Variants in PIGQ observed in about 807,000 individuals in gnomAD.
PIGQ encodes phosphatidylinositol N-acetylglucosaminyltransferase subunit Q.
PIGQ carries 54 observed loss-of-function variants against 60.3 expected under a neutral mutation model. The ratio of observed to expected loss-of-function variants is 0.90; its 90% CI spans 0.72 to 1.12. PIGQ has a LOEUF of 1.12. PIGQ is among the 50% of genes most tolerant of loss of function. The pLI is 0.00. For synonymous variants in PIGQ, 416 were observed against 363.7 expected (o/e 1.14, Z -1.64); for missense variants, 799 against 793.5 (o/e 1.01, Z -0.08).
chr16:583,733 G>C lies in PIGQ; in HGVS notation c.*698G>C. 1.5e-6 allele frequency: 2 copies of C among 1,377,178 alleles called. No homozygotes were observed. The highest frequency in any genetic ancestry group is 2.0e-6 in the Non-Finnish European group (2 of 977,190). The allele number at this position is 1,377,178 out of a possible 1,614,324, so 85.3% of individuals were successfully genotyped here. A position where few individuals can be genotyped will look rare whatever the true frequency, so the allele number is the denominator to read the frequency against. ...CCCACTGACCCAGCCGTACCTATTC[G>C]TCCACGGTGCCCCGTAGCAGCAGGT... On this transcript the variant is annotated 3_prime_UTR_variant, in exon 11 of 11. Transcript: ENST00000321878.
chr16:577,571 C>A (rs946307325), intron 4 of PIGQ, among the ~76,000 whole-genome samples: 1 of 139,184 alleles, frequency 7.2e-6, no homozygotes, highest in Non-Finnish European at 1.6e-5. Flanking sequence ...AACAAGACTC[C>A]GTCTCAGAAA....
chr16:582,108 AG>A, intron 9 of PIGQ, 139 bp from the exon 10 acceptor site: 1 of 713,934 alleles, frequency 1.4e-6, no homozygotes, highest in Non-Finnish European at 2.5e-6. Context: ...TGGGCGACGG[AG>A]GGGGCGGGGA....
intron 2 of PIGQ, 85 bp from the exon 3 acceptor site, chr16:575,754 G>C: frequency 7.2e-7 from 1 of 1,395,642 alleles, no homozygotes; most frequent in Non-Finnish European, 9.8e-7. Flanking sequence ...AGTGTGGCCT[G>C]GGTGTTTGTG....
rs2035764309 is a variant in PIGQ, at chr16:578,872, C to T, written c.1157C>T (p.Ser386Phe). Residue 386 changes from serine (S) to phenylalanine (F), a missense_variant, in exon 6 of 11, where the codon TCC becomes TTC. Coordinates refer to ENST00000321878, the MANE Select transcript of PIGQ (RefSeq NM_004204.5). ...SACLGLTVAL[S>F]LLSDIIALLT... ...TGCCTGGGCCTGACGGTGGCCCTGT[C>T]CCTCCTCTCGGACATTATCGCCCTC... 1.9e-6 allele frequency: 3 copies of T among 1,613,814 alleles called. No homozygotes were observed. The highest frequency in any genetic ancestry group is 2.5e-6 in the Non-Finnish European group (3 of 1,179,948).
At chr16:575,806 A>AG (rs939423535) in intron 2 of PIGQ, 33 bp from the exon 3 acceptor site, 125 of 1,546,736 alleles carry the variant, frequency 8.1e-5, no homozygotes, top group Non-Finnish European at 1.1e-4. Context: ...GGATCTGGAG[A>AG]GGGACACATC....
intron 1 of PIGQ, among the ~76,000 whole-genome samples, chr16:573,129 G>C (rs934876785): frequency 6.6e-6 from 1 of 152,218 alleles, no homozygotes; most frequent in Admixed American, 6.5e-5. Context: ...TGTGAGAAAG[G>C]GGGAGGAGAG....
At position 574,856 on chromosome 16, in the gene PIGQ, C is replaced by T. The variant is rs574685917; in HGVS notation, c.689+93C>T. The T allele has an allele frequency of 7.8e-4, 805 of 1,031,730 alleles. 3 individuals carry two copies. Among genetic ancestry groups the T allele is most frequent in the East Asian group, 2.6e-4 (10 of 37,998 alleles). The allele number at this position is 1,031,730 out of a possible 1,614,324, so 63.9% of individuals were successfully genotyped here. ...TGCAGTGGGCACAGAGGCCCAGATGCGCTCTTCCTGGGCCCGGGCCCCCTC... is the reference window on the plus strand; with the variant it reads ...TGCAGTGGGCACAGAGGCCCAGATGTGCTCTTCCTGGGCCCGGGCCCCCTC... On this transcript the variant is annotated intron_variant, in intron 2 of 10. Coordinates refer to ENST00000321878, the MANE Select transcript of PIGQ (RefSeq NM_004204.5).
chr16:574,721 T>C lies in PIGQ; in HGVS notation c.647T>C (p.Leu216Ser), dbSNP rs1456320606. 5.0e-6 allele frequency: 8 copies of C among 1,589,204 alleles called. No individual in the cohort carries two copies. The highest frequency in any genetic ancestry group is 6.8e-6 in the Non-Finnish European group (8 of 1,172,298). The part of the protein sequence containing the change: ...RRASGPICLL[L>S]ASLLSLVSAV... ...GCCTCGGGACCCATTTGCCTGCTGT[T>C]GGCCAGCCTGCTGTCGCTGGTCTCA... is the stretch of plus-strand genomic sequence containing the variant. Residue 216 changes from leucine (L) to serine (S), a missense_variant, in exon 2 of 11, where the codon TTG becomes TCG. By Grantham distance (145) the Leu-to-Ser change is moderately radical. Transcript: ENST00000321878.
In PIGQ at chr16:583,057, C is replaced by T. The variant is rs1476064596; in HGVS notation, c.*22C>T. 6.2e-7 allele frequency: 1 copy of T among 1,612,862 alleles called. No homozygotes were observed. Among genetic ancestry groups the T allele is most frequent in the Non-Finnish European group, 8.5e-7 (1 of 1,179,904 alleles). On this transcript the variant is annotated 3_prime_UTR_variant, in exon 11 of 11. Transcript: ENST00000321878. ...CTGAGGGAACTGCTGGCTCGCCTGG[C>T]ACCACCACACGGCCACAGCCAGCCA...
At chr16:582,641 G>C in intron 10 of PIGQ, 1 of 592,688 alleles carries the variant, frequency 1.7e-6, no homozygotes, top group South Asian at 2.1e-5. Flanking sequence ...GTGCGTCCCT[G>C]TGGCACGGCC....
chr16:582,339 A>G (rs1343092536), intron 10 of PIGQ, 30 bp downstream of exon 10: 2 of 1,534,534 alleles, frequency 1.3e-6, no homozygotes, highest in East Asian at 2.3e-5. Context: ...GGACGCCCCT[A>G]CGCTGCTGCC....
rs757141901 is a variant in PIGQ at position 575,825 on chromosome 16, C to G, written c.690-14C>G. Reference sequence around the variant, plus strand: ...CTGGAGAGGGACACATCACTCCTCTCCACTCCCACGCAGAGTGTTCAAGCT... The same window carrying G: ...CTGGAGAGGGACACATCACTCCTCTGCACTCCCACGCAGAGTGTTCAAGCT... On this transcript the variant is annotated splice_polypyrimidine_tract_variant and intron_variant, in intron 2 of 10. Coordinates refer to ENST00000321878, the MANE Select transcript of PIGQ (RefSeq NM_004204.5). The G allele has an allele frequency of 6.4e-7, 1 of 1,555,506 alleles. No homozygotes were observed. Among genetic ancestry groups the G allele is most frequent in the South Asian group, 1.2e-5 (1 of 84,676 alleles).
chr16:571,976 C>T (rs1034094745), intron 1 of PIGQ, among the ~76,000 whole-genome samples: 3 of 152,106 alleles, frequency 2.0e-5, no homozygotes, highest in East Asian at 1.9e-4. Flanking sequence ...GCACGTAGCT[C>T]GGTGAATTTA....
At chr16:580,500 C>A in intron 8 of PIGQ, 2 of 551,192 alleles carry the variant, frequency 3.6e-6, no homozygotes, top group South Asian at 5.1e-5. Context: ...GTGGAAGGAC[C>A]CCACGGCAGG....
Position 582,238 on chromosome 16 carries a change from A to G in PIGQ, c.1532-10A>G. On this transcript the variant is annotated splice_polypyrimidine_tract_variant and intron_variant, in intron 9 of 10. Coordinates refer to ENST00000321878, the MANE Select transcript of PIGQ (RefSeq NM_004204.5). ...CGCGTCCCCTCGTCAGCCGCTTGCTATCCTTGCAGCTGGCGTGAAGTTCCG... is the reference window on the plus strand; with the variant it reads ...CGCGTCCCCTCGTCAGCCGCTTGCTGTCCTTGCAGCTGGCGTGAAGTTCCG... 6.3e-7 allele frequency: 1 copy of G among 1,593,310 alleles called. No individual in the cohort carries two copies. Among genetic ancestry groups the G allele is most frequent in the South Asian group, 1.1e-5 (1 of 88,962 alleles).
chr16:577,482 C>G (rs1448720653), intron 4 of PIGQ, among the ~76,000 whole-genome samples: 1 of 150,134 alleles, frequency 6.7e-6, no homozygotes, highest in Admixed American at 6.7e-5. Flanking sequence ...GAGGCTGAGG[C>G]AAGAGAATGG....
Position 576,190 on chromosome 16 carries a change from T to C in PIGQ, c.878T>C (p.Leu293Pro), listed in dbSNP as rs376845485. The change falls in exon 4 of 11, where the codon CTG becomes CCG. Residue 293 changes from leucine (L) to proline (P), a missense_variant. Transcript: ENST00000321878. ...GACGTGGCCCTGGGCCTCATGCTGCTGTCCTGGCTCCACGGGAGAAGCCGC... is the reference window on the plus strand; with the variant it reads ...GACGTGGCCCTGGGCCTCATGCTGCCGTCCTGGCTCCACGGGAGAAGCCGC... ...LLDVALGLMLLSWLHGRSRIG... is the reference protein window; with the variant it reads ...LLDVALGLMLPSWLHGRSRIG... 6.5e-7 allele frequency: 1 copy of C among 1,550,052 alleles called. No homozygotes were observed. Among genetic ancestry groups the C allele is most frequent in the African/African-American group, 1.4e-5 (1 of 73,220 alleles).
chr16:576,399 C>A, intron 4 of PIGQ, 145 bp downstream of exon 4: 1 of 1,011,150 alleles, frequency 9.9e-7, no homozygotes, highest in Non-Finnish European at 1.4e-6. Context: ...TCCCCTGAAC[C>A]AGAAGCAGGA....
At chr16:577,578 G>GAAA (rs36098074) in intron 4 of PIGQ, among the ~76,000 whole-genome samples, 2 of 126,886 alleles carry the variant, frequency 1.6e-5, no homozygotes, top group Non-Finnish European at 3.4e-5. Context: ...CTCCGTCTCA[G>GAAA]AAAAAAAAAA....
Sources: allele counts gnomAD v4.1 joint callset (sites outside exome capture counted in the v4.1 genomes callset), GRCh38; gene constraint gnomAD v4.1.1; transcripts MANE v1.5; gene names NCBI Gene and HGNC (gene_info 2026-07-23, HGNC 2026-07-21).